The following LRRC4C variants were observed in gnomAD, a reference collection of about 807,000 sequenced individuals.
LRRC4C encodes leucine-rich repeat-containing protein 4C.
LRRC4C carries 5 observed loss-of-function variants against 33.6 expected under a neutral mutation model. The ratio of observed to expected loss-of-function variants is 0.15; its 90% CI spans 0.08 to 0.31. LRRC4C has a LOEUF of 0.31. Ranked by LOEUF, LRRC4C falls within the 10% of genes least tolerant of loss-of-function variation. The probability of loss-of-function intolerance (pLI) is 1.00; values close to 1 mark genes in which losing one functional copy is unlikely to be tolerated. For synonymous variants in LRRC4C, 329 were observed against 302.0 expected (o/e 1.09, Z -0.93); for missense variants, 560 against 796.7 (o/e 0.70, Z 3.58).
intron 1 of LRRC4C, among the ~76,000 whole-genome samples, chr11:41,376,864 A>G (rs1438565960): frequency 9.2e-5 from 14 of 152,044 alleles, no homozygotes; most frequent in Admixed American, 9.2e-4. Flanking sequence ...TACGTAGATC[A>G]TAGATAGATA....
chr11:40,268,867 A>G (rs770740130), intron 4 of LRRC4C, among the ~76,000 whole-genome samples: 27 of 152,102 alleles, frequency 1.8e-4, no homozygotes, highest in Non-Finnish European at 3.7e-4. Flanking sequence ...AGGAGATCCT[A>G]TGCATAGCCA....
Position 40,239,100 on chromosome 11 carries a change from T to C in LRRC4C, c.-96+2419A>G, listed in dbSNP as rs192597578. Among the ~76,000 whole-genome samples, 2 of 152,302 alleles carry C rather than the reference T, an allele frequency of 1.3e-5. 1 individual carries two copies. Among genetic ancestry groups the C allele is most frequent in the East Asian group, 3.9e-4 (2 of 5,178 alleles). On this transcript the variant is annotated intron_variant, in intron 5 of 6. Transcript: ENST00000528697. ...CATGACAAAGACTTGGTCTCAGTAT[T>C]TGCTGTCTCTATGTGCAAATAACCA...
chr11:40,717,619 C>A (rs59711802), intron 2 of LRRC4C, among the ~76,000 whole-genome samples: 1 of 151,344 alleles, frequency 6.6e-6, no homozygotes, highest in Admixed American at 6.6e-5. Flanking sequence ...TCCTGTAGTG[C>A]CTGTAGGTAC....
At chr11:41,089,949 T>G (rs528248148) in intron 1 of LRRC4C, among the ~76,000 whole-genome samples, 1 of 151,992 alleles carries the variant, frequency 6.6e-6, no homozygotes, top group Non-Finnish European at 1.5e-5. Flanking sequence ...TGCTAATATA[T>G]ACAGTTATTT....
At chr11:40,982,626 T>C (rs1852621877) in intron 1 of LRRC4C, among the ~76,000 whole-genome samples, 1 of 152,148 alleles carries the variant, frequency 6.6e-6, no homozygotes, top group Non-Finnish European at 1.5e-5. Flanking sequence ...TAGCAAGAAA[T>C]TAGACTAGAA....
intron 1 of LRRC4C, among the ~76,000 whole-genome samples, chr11:41,114,066 T>C (rs1010679497): frequency 1.2e-4 from 19 of 152,014 alleles, no homozygotes; most frequent in African/African-American, 4.3e-4. Flanking sequence ...TATATGTCTT[T>C]TCTGAACTCT....
chr11:40,805,341 G>A (rs115588587), intron 2 of LRRC4C, among the ~76,000 whole-genome samples: 337 of 152,264 alleles, frequency 2.2e-3, no homozygotes, highest in African/African-American at 7.7e-3. Context: ...AGGAAAACTT[G>A]TTCTAGTCCT....
chr11:41,056,911 G>A (rs1858661982), intron 1 of LRRC4C, among the ~76,000 whole-genome samples: 1 of 152,208 alleles, frequency 6.6e-6, no homozygotes, highest in Middle Eastern at 3.2e-3. Context: ...GCCAGCAGGA[G>A]TCAGGGACAA....
At position 40,933,702 on chromosome 11, in the gene LRRC4C, C is replaced by T. The variant is rs1957737613; in HGVS notation, c.-474G>A. The stretch of plus-strand genomic sequence containing the variant: ...CTCTCTCATTGGGTGACCTTGCAGC[C>T]TCGCAGTAAAGAGAACCATTTCTAG... On this transcript the variant is annotated 5_prime_UTR_variant, in exon 2 of 7. Coordinates refer to ENST00000528697, the MANE Select transcript of LRRC4C (RefSeq NM_001258419.2). 2 of 152,198 alleles carry T rather than the reference C, an allele frequency of 1.3e-5. No homozygotes were observed. Among genetic ancestry groups the T allele is most frequent in the African/African-American group, 2.4e-5 (1 of 41,456 alleles). 9.4% of individuals were successfully genotyped at this position (152,198 alleles called of 1,614,324 possible).
chr11:40,780,516 T>C (rs917612040), intron 2 of LRRC4C, among the ~76,000 whole-genome samples: 2 of 152,130 alleles, frequency 1.3e-5, no homozygotes, highest in Non-Finnish European at 1.5e-5. Context: ...GAATGAGAGC[T>C]ATTTAATATG....
chr11:41,232,492 T>A (rs1416526584), intron 1 of LRRC4C, among the ~76,000 whole-genome samples: 2 of 152,056 alleles, frequency 1.3e-5, no homozygotes, highest in Non-Finnish European at 2.9e-5. Flanking sequence ...TATCAATCAC[T>A]GTTTTAAATT....
chr11:41,206,087 A>T (rs954725021), intron 1 of LRRC4C, among the ~76,000 whole-genome samples: 1 of 152,146 alleles, frequency 6.6e-6, no homozygotes, highest in Non-Finnish European at 1.5e-5. Context: ...GCTTTTTATG[A>T]CAATTTCATA....
At chr11:40,219,129 G>A (rs1266235355) in intron 5 of LRRC4C, among the ~76,000 whole-genome samples, 1 of 152,124 alleles carries the variant, frequency 6.6e-6, no homozygotes, top group Non-Finnish European at 1.5e-5. Context: ...AGATGCGGTA[G>A]CCACTAGCCC....
chr11:41,038,230 G>C (rs1185513326), intron 1 of LRRC4C, among the ~76,000 whole-genome samples: 1 of 152,114 alleles, frequency 6.6e-6, no homozygotes, highest in Non-Finnish European at 1.5e-5. Flanking sequence ...TGTCATTGCT[G>C]CTCCAATACC....
chr11:41,418,212 T>C (rs1954756808), intron 1 of LRRC4C, among the ~76,000 whole-genome samples: 5 of 152,014 alleles, frequency 3.3e-5, no homozygotes, highest in Admixed American at 2.0e-4. Flanking sequence ...CCGATATGTT[T>C]AACCCTGAGA....
intron 2 of LRRC4C, among the ~76,000 whole-genome samples, chr11:40,839,438 G>T (rs1254435401): frequency 1.3e-5 from 2 of 152,080 alleles, no homozygotes; most frequent in Non-Finnish European, 2.9e-5. Context: ...TAGAGATGGG[G>T]TTTCACCATG....
chr11:40,840,966 A>G (rs1312282982), intron 2 of LRRC4C, among the ~76,000 whole-genome samples: 2 of 152,188 alleles, frequency 1.3e-5, no homozygotes, highest in African/African-American at 2.4e-5. Flanking sequence ...GTCTACAAAC[A>G]ACTTTCCCAC....
chr11:40,951,900 T>C (rs533674276), intron 1 of LRRC4C, among the ~76,000 whole-genome samples: 239 of 152,124 alleles, frequency 1.6e-3, no homozygotes, highest in Middle Eastern at 3.4e-3. Context: ...GGCTGTTACA[T>C]CCTGATTGTA....
At chr11:41,200,987 TTA>T (rs1293424165) in intron 1 of LRRC4C, among the ~76,000 whole-genome samples, 3 of 152,150 alleles carry the variant, frequency 2.0e-5, no homozygotes, top group Admixed American at 6.5e-5. Flanking sequence ...TGTATGCATT[TTA>T]TATAGCAGGC....
Sources: gnomAD v4.1 joint callset for allele counts (sites outside exome capture counted in the v4.1 genomes callset) on GRCh38, gnomAD v4.1.1 for gene constraint, MANE v1.5 for transcripts, NCBI Gene and HGNC (gene_info 2026-07-23, HGNC 2026-07-21) for gene names.